Variants in SKIDA1 observed in about 807,000 individuals in gnomAD.
SKIDA1 encodes SKI/DACH domain-containing protein 1.
A neutral mutation model predicts 51.4 loss-of-function variants in SKIDA1; 18 were observed. The observed-to-expected ratio is 0.35, with a 90% confidence interval of 0.24 to 0.52. SKIDA1 has a LOEUF of 0.52. SKIDA1 is among the 20% of genes least tolerant of loss of function. SKIDA1 has a pLI of 0.95. For synonymous variants in SKIDA1, 579 were observed against 500.5 expected (o/e 1.16, Z -2.09); for missense variants, 1,104 against 1,180.6 (o/e 0.94, Z 0.95).
intron 1 of SKIDA1, among the ~76,000 whole-genome samples, 197 bp downstream of exon 1, chr10:21,525,350 G>A (rs1210335784): frequency 6.6e-6 from 1 of 152,210 alleles, no homozygotes; most frequent in Admixed American, 6.5e-5. Context: ...TTTGGGGTAC[G>A]CTGGTTATCC....
chr10:21,517,599 A>T lies in SKIDA1; in HGVS notation c.224T>A (p.Phe75Tyr). 1 of 1,613,806 alleles carries T rather than the reference A, an allele frequency of 6.2e-7. No homozygotes were observed. Among genetic ancestry groups the T allele is most frequent in the Non-Finnish European group, 8.5e-7 (1 of 1,179,794 alleles). Residue 75 changes from phenylalanine (F) to tyrosine (Y), a missense_variant, in exon 4 of 4, where the codon TTC becomes TAC. Transcript: ENST00000449193. The surrounding 1 kb of genome is among the most constrained non-coding windows in gnomAD (Gnocchi z 6.9). Reference sequence around the variant, plus strand: ...GATGAGCGTGCATTTGGCGGCGTGGAAGGCGATGCTGTTAATTGCCTTGAG... The same window carrying T: ...GATGAGCGTGCATTTGGCGGCGTGGTAGGCGATGCTGTTAATTGCCTTGAG... The part of the protein sequence containing the change: ...RKLKAINSIA[F>Y]HAAKCTLISR...
rs919709288 is a variant in SKIDA1 at position 21,516,051 on chromosome 10, T to C, written c.1772A>G (p.Gln591Arg). Residue 591 changes from glutamine (Q) to arginine (R), a missense_variant, in exon 4 of 4, where the codon CAA becomes CGA. By Grantham distance (43) the Gln-to-Arg change is conservative (BLOSUM62 1). Around this residue, in one of 3 missense-constraint regions of SKIDA1, gnomAD observed 938 missense variants for 886.4 expected, o/e 1.06. Transcript: ENST00000449193. This position sits in a 1 kb window ranked among gnomAD's most constrained non-coding sequence, Gnocchi z 5.7. Reference protein sequence around the residue: ...PSPKTNNAFPQQRILREARKC... With the variant: ...PSPKTNNAFPRQRILREARKC... The stretch of plus-strand genomic sequence containing the variant: ...CCTAGCCTCTCGGAGTATTCTTTGT[T>C]GTGGAAATGCATTGTTTGTCTTTGG... 3.1e-6 allele frequency: 5 copies of C among 1,614,076 alleles called. No individual in the cohort carries two copies. In the East Asian group the frequency reaches 1.1e-4, roughly 36 times the overall value.
In SKIDA1 at chr10:21,516,398, G is replaced by C; in HGVS notation, c.1425C>G (p.Pro475=). ...RFRRTSFCKP[P]SVQAQANFLY... is the part of the protein sequence containing the mutation. ...AGAAGTTGGCCTGCGCCTGCACGCT[G>C]GGAGGCTTGCAGAAGCTGGTGCGCC... The change falls in exon 4 of 4, where the codon CCC becomes CCG. Residue 475 remains proline (P), a synonymous_variant. Coordinates refer to ENST00000449193, the MANE Select transcript of SKIDA1 (RefSeq NM_207371.4). The surrounding 1 kb of genome is among the most constrained non-coding windows in gnomAD (Gnocchi z 5.7). 6.2e-7 allele frequency: 1 copy of C among 1,613,474 alleles called. No homozygotes were observed. Among genetic ancestry groups the C allele is most frequent in the East Asian group, 2.2e-5 (1 of 44,884 alleles).
In SKIDA1 at chr10:21,518,910, CAAGG is replaced by C. The variant is rs540002957; in HGVS notation, c.-1092_-1089del. On this transcript the variant is annotated 5_prime_UTR_variant, in exon 4 of 4. Transcript: ENST00000449193. ...ACAACCAGAAACAAAGTTATTTGAC[CAAGG>C]AAGCAGTTCAAGGCTCCAGCTCCGA... The C allele has an allele frequency of 1.9e-3, 305 of 163,868 alleles. 1 individual carries two copies. The highest frequency in any genetic ancestry group is 5.1e-3 in the Admixed American group (76 of 14,880). 10.2% of individuals were successfully genotyped at this position (163,868 alleles called of 1,614,324 possible).
Position 21,517,492 on chromosome 10 carries a change from C to A in SKIDA1, c.331G>T (p.Ala111Ser). ...LKTKRRRVGR[A>S]LATKAPPPER... Reference sequence around the variant, plus strand: ...GGCGGCGGCGCCTTTGTGGCCAGGGCCCGGCCGACCCGCCTGCGCTTGGTC... The same window carrying A: ...GGCGGCGGCGCCTTTGTGGCCAGGGACCGGCCGACCCGCCTGCGCTTGGTC... The change falls in exon 4 of 4, where the codon GCC becomes TCC. Residue 111 changes from alanine to serine, a missense_variant. Coordinates refer to ENST00000449193, the MANE Select transcript of SKIDA1 (RefSeq NM_207371.4). This position sits in a 1 kb window ranked among gnomAD's most constrained non-coding sequence, Gnocchi z 6.9. 6.4e-7 allele frequency: 1 copy of A among 1,550,724 alleles called. No individual in the cohort carries two copies. Among genetic ancestry groups the A allele is most frequent in the Non-Finnish European group, 8.7e-7 (1 of 1,147,734 alleles).
rs1258521782 is a variant in SKIDA1, at chr10:21,516,887, C to CGCT, written c.933_935dup (p.Ala318dup). The CGCT allele has an allele frequency of 4.9e-5, 57 of 1,157,450 alleles. No individual in the cohort carries two copies. The highest frequency in any genetic ancestry group is 1.2e-4 in the East Asian group (3 of 24,408). 71.7% of individuals were successfully genotyped at this position (1,157,450 alleles called of 1,614,324 possible). A position where few individuals can be genotyped will look rare whatever the true frequency, so the allele number is the denominator to read the frequency against. On this transcript the variant is annotated inframe_insertion, in exon 4 of 4. Transcript: ENST00000449193. The surrounding 1 kb of genome is among the most constrained non-coding windows in gnomAD (Gnocchi z 5.7). ...TGGCCCCCGCGGCGGCCGCCGCCGC[C>CGCT]GCTGCCGCCGCCGCCGCCGCCGCCG...
Position 21,517,283 on chromosome 10 carries a change from G to A in SKIDA1, c.540C>T (p.His180=). 6.8e-7 allele frequency: 1 copy of A among 1,469,112 alleles called. No individual in the cohort carries two copies. Among genetic ancestry groups the A allele is most frequent in the Non-Finnish European group, 9.0e-7 (1 of 1,108,108 alleles). The allele number at this position is 1,469,112 out of a possible 1,614,324, so 91.0% of individuals were successfully genotyped here. The change falls in exon 4 of 4, where the codon CAC becomes CAT. Residue 180 remains histidine, a synonymous_variant. Coordinates refer to ENST00000449193, the MANE Select transcript of SKIDA1 (RefSeq NM_207371.4). The surrounding 1 kb of genome is among the most constrained non-coding windows in gnomAD (Gnocchi z 6.9). The part of the protein sequence containing the change: ...PQIFSKYPGS[H]YPEIVRSPCK... ...ACGGCGAGCGCACGATCTCCGGGTA[G>A]TGCGAGCCGGGGTATTTGCTAAAAA... is the stretch of plus-strand genomic sequence containing the variant.
At chr10:21,524,860 G>A (rs1169652849) in intron 1 of SKIDA1, 1 of 152,162 alleles carries the variant, frequency 6.6e-6, no homozygotes, top group African/African-American at 2.4e-5. Flanking sequence ...AACATTTTCT[G>A]TATCTCCCTC....
In SKIDA1 at chr10:21,515,456, T is replaced by C; in HGVS notation, c.2367A>G (p.Arg789=). The change falls in exon 4 of 4, where the codon CGA becomes CGG. Residue 789 remains arginine (R), a synonymous_variant. Transcript: ENST00000449193. ...KNYRTLVLGK[R]PVLQTPPVKP... ...TGACTGGAGGTGTCTGAAGGACAGG[T>C]CGCTTTCCCAGTACTAGTGTCCGGT... is the stretch of plus-strand genomic sequence containing the variant. The C allele has an allele frequency of 1.2e-6, 2 of 1,613,982 alleles. No individual in the cohort carries two copies. The highest frequency in any genetic ancestry group is 3.3e-5 in the Admixed American group (2 of 60,016).
rs1474622623 is a variant in SKIDA1 at position 21,517,839 on chromosome 10, TC to T, written c.-18del. On this transcript the variant is annotated 5_prime_UTR_variant, in exon 4 of 4. An upstream open reading frame in the 5' UTR loses its in-frame stop. Coordinates refer to ENST00000449193, the MANE Select transcript of SKIDA1 (RefSeq NM_207371.4). This position sits in a 1 kb window ranked among gnomAD's most constrained non-coding sequence, Gnocchi z 6.9. ...GTCTCCCATCTCGGGCACTAAATGA[TC>T]CCCACCATTTGCAGTAAATATATAC... is the stretch of plus-strand genomic sequence containing the variant. 3.8e-6 allele frequency: 6 copies of T among 1,588,228 alleles called. No homozygotes were observed. The highest frequency in any genetic ancestry group is 1.3e-5 in the African/African-American group (1 of 74,398).
At chr10:21,525,466 G>T (rs2032688282) in intron 1 of SKIDA1, 81 bp downstream of exon 1, 1 of 152,174 alleles carries the variant, frequency 6.6e-6, no homozygotes, top group Non-Finnish European at 1.5e-5. Flanking sequence ...CGTCGAGCAC[G>T]TGAAACGCGA....
At position 21,518,177 on chromosome 10, in the gene SKIDA1, G is replaced by A. The variant is rs45503701; in HGVS notation, c.-355C>T. 2,666 of 202,544 alleles carry A rather than the reference G, an allele frequency of 0.013. 30 individuals carry two copies. The highest frequency in any genetic ancestry group is 0.019 in the Non-Finnish European group (1,777 of 92,088). 12.5% of individuals were successfully genotyped at this position (202,544 alleles called of 1,614,324 possible). On this transcript the variant is annotated 5_prime_UTR_variant, in exon 4 of 4. Coordinates refer to ENST00000449193, the MANE Select transcript of SKIDA1 (RefSeq NM_207371.4). Reference sequence around the variant, plus strand: ...CCCCTCTATTCCTTCCTTCTCCATTGGAGCACTATGATAATGGAATGTGAA... The same window carrying A: ...CCCCTCTATTCCTTCCTTCTCCATTAGAGCACTATGATAATGGAATGTGAA...
In SKIDA1 at chr10:21,516,881, C is replaced by CGCTGCCGCT. The variant is rs1418587712; in HGVS notation, c.941_942insAGCGGCAGC (p.Ala316_Ala318dup). ...GGCAAGTGGCCCCCGCGGCGGCCGC[C>CGCTGCCGCT]GCCGCCGCTGCCGCCGCCGCCGCCG... On this transcript the variant is annotated inframe_insertion, in exon 4 of 4. Coordinates refer to ENST00000449193, the MANE Select transcript of SKIDA1 (RefSeq NM_207371.4). The surrounding 1 kb of genome is among the most constrained non-coding windows in gnomAD (Gnocchi z 5.7). The CGCTGCCGCT allele has an allele frequency of 3.4e-6, 4 of 1,174,200 alleles. No homozygotes were observed. The highest frequency in any genetic ancestry group is 4.2e-6 in the Non-Finnish European group (4 of 950,786). 72.7% of individuals were successfully genotyped at this position (1,174,200 alleles called of 1,614,324 possible).
At position 21,514,399 on chromosome 10, in the gene SKIDA1, C is replaced by G. The variant is rs1203182812; in HGVS notation, c.*697G>C. The stretch of plus-strand genomic sequence containing the variant: ...TTTAAAAGTAAAATCACACCCTTTA[C>G]AAAAAAAATACAATTCCGTATTTAT... On this transcript the variant is annotated 3_prime_UTR_variant, in exon 4 of 4. Coordinates refer to ENST00000449193, the MANE Select transcript of SKIDA1 (RefSeq NM_207371.4). 1 of 140,800 alleles carries G rather than the reference C, an allele frequency of 7.1e-6. No individual in the cohort carries two copies. Among genetic ancestry groups the G allele is most frequent in the African/African-American group, 2.7e-5 (1 of 37,522 alleles). 8.7% of individuals were successfully genotyped at this position (140,800 alleles called of 1,614,324 possible).
chr10:21,520,683 A>G (rs972592947), intron 3 of SKIDA1, among the ~76,000 whole-genome samples: 4 of 151,216 alleles, frequency 2.6e-5, no homozygotes, highest in Non-Finnish European at 5.9e-5. Context: ...TCCTACACAT[A>G]GCAACATGAT....
chr10:21,517,999 T>TGGG lies in SKIDA1; in HGVS notation c.-180_-178dup, dbSNP rs200943050. ...AGTGCCAAACTCTAGGCGAAATTAT[T>TGGG]GGGGGGGGGGAAACCCCATGAAATT... On this transcript the variant is annotated 5_prime_UTR_variant, in exon 4 of 4. Transcript: ENST00000449193. This position sits in a 1 kb window ranked among gnomAD's most constrained non-coding sequence, Gnocchi z 6.9. 1.3e-5 allele frequency: 6 copies of TGGG among 470,876 alleles called. No individual in the cohort carries two copies. The highest frequency in any genetic ancestry group is 4.1e-5 in the African/African-American group (2 of 49,006). 29.2% of individuals were successfully genotyped at this position (470,876 alleles called of 1,614,324 possible). A position where few individuals can be genotyped will look rare whatever the true frequency, so the allele number is the denominator to read the frequency against.
At chr10:21,524,459 G>T (rs1383566122) in intron 1 of SKIDA1, among the ~76,000 whole-genome samples, 1 of 151,758 alleles carries the variant, frequency 6.6e-6, no homozygotes, top group Non-Finnish European at 1.5e-5. Flanking sequence ...AAAAAATTTC[G>T]GGGTATTTGT....
chr10:21,521,399 G>A lies in SKIDA1; in HGVS notation c.-1847C>T, dbSNP rs997828777. On this transcript the variant is annotated 5_prime_UTR_variant, in exon 3 of 4. Transcript: ENST00000449193. ...CAATAATTTACTTACTTTGCCTGAT[G>A]TGCAGATCCAGATGTATAAAGTACT... 6.5e-6 allele frequency: 1 copy of A among 152,762 alleles called. No homozygotes were observed. The highest frequency in any genetic ancestry group is 2.4e-5 in the African/African-American group (1 of 41,568). The allele number at this position is 152,762 out of a possible 1,614,324, so 9.5% of individuals were successfully genotyped here. A position where few individuals can be genotyped will look rare whatever the true frequency, so the allele number is the denominator to read the frequency against.
chr10:21,517,849 T>C lies in SKIDA1; in HGVS notation c.-27A>G, dbSNP rs1314786985. The stretch of plus-strand genomic sequence containing the variant: ...TCGGGCACTAAATGATCCCCACCAT[T>C]TGCAGTAAATATATACGTGACGCAT... On this transcript the variant is annotated 5_prime_UTR_variant, in exon 4 of 4. Coordinates refer to ENST00000449193, the MANE Select transcript of SKIDA1 (RefSeq NM_207371.4). This position sits in a 1 kb window ranked among gnomAD's most constrained non-coding sequence, Gnocchi z 6.9. 1 of 1,571,668 alleles carries C rather than the reference T, an allele frequency of 6.4e-7. No individual in the cohort carries two copies. The highest frequency in any genetic ancestry group is 1.8e-5 in the Admixed American group (1 of 55,882).
Sources: allele counts gnomAD v4.1 joint callset (sites outside exome capture counted in the v4.1 genomes callset), GRCh38; gene constraint gnomAD v4.1.1; regional missense constraint gnomAD v4.1.1; non-coding constraint Gnocchi (gnomAD v3.1); transcripts MANE v1.5; gene names NCBI Gene and HGNC (gene_info 2026-07-23, HGNC 2026-07-21).